The following STYX variants were observed in gnomAD, a reference collection of about 807,000 sequenced individuals.
STYX encodes the protein serine/threonine/tyrosine-interacting protein.
A neutral mutation model predicts 42.7 loss-of-function variants in STYX; 20 were observed. The ratio of observed to expected loss-of-function variants is 0.47; its 90% CI spans 0.33 to 0.68. The LOEUF is 0.68. Ranked by LOEUF, STYX falls within the 30% of genes least tolerant of loss-of-function variation. The probability of loss-of-function intolerance (pLI) is 0.02; values close to 1 mark genes in which losing one functional copy is unlikely to be tolerated. For missense variants in STYX, 226 were observed against 268.5 expected, an observed-to-expected ratio of 0.84 and a Z score of 1.11; for synonymous variants, 78 against 81.9, an observed-to-expected ratio of 0.95 and a Z score of 0.26.
At position 52,753,672 on chromosome 14, in the gene STYX, TG is replaced by T. The variant is rs1881724602; in HGVS notation, c.243-2878del. 3.9e-5 allele frequency among the ~76,000 whole-genome samples: 6 copies of T among 152,258 alleles called. No homozygotes were observed. In the South Asian group the frequency reaches 1.2e-3, roughly 32 times the overall value. On this transcript the variant is annotated intron_variant, in intron 4 of 10. Transcript: ENST00000354586. ...AGATTACTTCTAATACTTAGTACAG[TG>T]TAAGTGCTGTGTGAATAGTATTGGA...
At chr14:52,740,133 C>G (rs1652343334) in intron 1 of STYX, among the ~76,000 whole-genome samples, 1 of 152,002 alleles carries the variant, frequency 6.6e-6, no homozygotes, top group Admixed American at 6.6e-5. Flanking sequence ...AAAAATTAGC[C>G]AGGTTTGGTG....
chr14:52,742,775 A>AT, intron 1 of STYX, among the ~76,000 whole-genome samples: 1 of 151,514 alleles, frequency 6.6e-6, no homozygotes, highest in East Asian at 1.9e-4. Flanking sequence ...CCTCCTTCTG[A>AT]TTGATTGCTA....
intron 1 of STYX, among the ~76,000 whole-genome samples, chr14:52,738,687 G>A (rs1272670091): frequency 6.6e-6 from 1 of 152,158 alleles, no homozygotes; most frequent in Non-Finnish European, 1.5e-5. Flanking sequence ...TTGCAAAGTA[G>A]CAAATGCAAA....
chr14:52,755,368 C>T, intron 4 of STYX, among the ~76,000 whole-genome samples: 1 of 152,112 alleles, frequency 6.6e-6, no homozygotes, highest in East Asian at 1.9e-4. Flanking sequence ...GGCAATCCAC[C>T]TGCCTCGGCT....
intron 9 of STYX, among the ~76,000 whole-genome samples, 156 bp downstream of exon 9, chr14:52,759,910 T>A (rs1422555181): frequency 6.6e-6 from 1 of 152,146 alleles, no homozygotes; most frequent in African/African-American, 2.4e-5. Context: ...TTAGAAGTAT[T>A]TTCTTGGCTG....
Position 52,772,732 on chromosome 14 carries a change from G to A in STYX, c.*1626G>A, listed in dbSNP as rs1882560812. On this transcript the variant is annotated 3_prime_UTR_variant, in exon 11 of 11. Coordinates refer to ENST00000354586, the MANE Select transcript of STYX (RefSeq NM_145251.4). ...TTCTTACCCAGCATAGTGGGAGAGT[G>A]GAGATTAATTAAAATTGTTAATTAA... 1 of 152,464 alleles carries A rather than the reference G, an allele frequency of 6.6e-6. No homozygotes were observed. The allele number at this position is 152,464 out of a possible 1,614,324, so 9.4% of individuals were successfully genotyped here.
intron 1 of STYX, 30 bp from the exon 2 acceptor site, chr14:52,744,822 C>A: frequency 6.2e-7 from 1 of 1,608,610 alleles, no homozygotes; most frequent in Non-Finnish European, 8.5e-7. Flanking sequence ...TAAATGTTAT[C>A]TACTTTTATT....
rs144862832 is a variant in STYX at position 52,746,704 on chromosome 14, G to T, written c.144+225G>T. On this transcript the variant is annotated intron_variant, in intron 3 of 10. Transcript: ENST00000354586. ...TTTTTGTTTTTTCCTCATGAAATTTGTATGTTTGAAAGATTTACCAAATAA... is the reference window on the plus strand; with the variant it reads ...TTTTTGTTTTTTCCTCATGAAATTTTTATGTTTGAAAGATTTACCAAATAA... Among the ~76,000 whole-genome samples, 433 of 152,178 alleles carry T rather than the reference G, an allele frequency of 2.8e-3. 2 individuals are homozygous for T. Among genetic ancestry groups the T allele is most frequent in the African/African-American group, 9.9e-3 (413 of 41,526 alleles).
At chr14:52,741,502 A>G (rs1182743057) in intron 1 of STYX, among the ~76,000 whole-genome samples, 4 of 152,028 alleles carry the variant, frequency 2.6e-5, no homozygotes, top group Non-Finnish European at 4.4e-5. Context: ...CAGTGGTGCA[A>G]TCTCGGCTCA....
At chr14:52,739,036 A>G (rs1343862261) in intron 1 of STYX, among the ~76,000 whole-genome samples, 1 of 150,588 alleles carries the variant, frequency 6.6e-6, no homozygotes, top group African/African-American at 2.5e-5. Flanking sequence ...ATGAATCTGT[A>G]TACCTTTTCT....
intron 1 of STYX, among the ~76,000 whole-genome samples, chr14:52,743,364 G>A (rs910897572): frequency 1.3e-5 from 2 of 151,814 alleles, no homozygotes; most frequent in African/African-American, 2.4e-5. Context: ...GGCAGATCAC[G>A]AGGTCAGGAG....
chr14:52,765,098 T>C (rs1306995029), intron 9 of STYX, among the ~76,000 whole-genome samples: 2 of 152,240 alleles, frequency 1.3e-5, no homozygotes, highest in African/African-American at 4.8e-5. Flanking sequence ...CTTTGCATAT[T>C]GGAAAATATT....
intron 1 of STYX, among the ~76,000 whole-genome samples, chr14:52,732,670 T>G (rs1045574833): frequency 2.6e-5 from 4 of 151,960 alleles, no homozygotes; most frequent in Non-Finnish European, 5.9e-5. Context: ...ATGCTTTTAT[T>G]TATTTATTTA....
chr14:52,760,871 A>C (rs1481605873), intron 9 of STYX, among the ~76,000 whole-genome samples: 1 of 152,058 alleles, frequency 6.6e-6, no homozygotes, highest in African/African-American at 2.4e-5. Context: ...ACAGGCATGC[A>C]ATGTGTAATA....
At chr14:52,731,641 T>C (rs1880707654) in intron 1 of STYX, 1 of 152,042 alleles carries the variant, frequency 6.6e-6, no homozygotes, top group Non-Finnish European at 1.5e-5. Context: ...TTCACCATTT[T>C]GGCCAGGGTG....
chr14:52,758,010 T>C, intron 8 of STYX, 86 bp downstream of exon 8: 1 of 1,415,990 alleles, frequency 7.1e-7, no homozygotes, highest in Non-Finnish European at 9.7e-7. Flanking sequence ...TTTGAAGTTC[T>C]TATTCCCCTG....
At chr14:52,758,604 T>G (rs1360215895) in intron 8 of STYX, among the ~76,000 whole-genome samples, 2 of 152,344 alleles carry the variant, frequency 1.3e-5, no homozygotes, top group East Asian at 3.9e-4. Flanking sequence ...TGAGACGGCG[T>G]CTTGCTCTAT....
rs935267801 is a variant in STYX at position 52,771,649 on chromosome 14, G to A, written c.*543G>A. ...AGGAATCTGCCACATTTCTTTTTTA[G>A]TATAACTTAATAGCTTAATTACCAT... On this transcript the variant is annotated 3_prime_UTR_variant, in exon 11 of 11. Transcript: ENST00000354586. 2 of 152,302 alleles carry A rather than the reference G, an allele frequency of 1.3e-5. No homozygotes were observed. Among genetic ancestry groups the A allele is most frequent in the African/African-American group, 4.8e-5 (2 of 41,398 alleles). 9.4% of individuals were successfully genotyped at this position (152,302 alleles called of 1,614,324 possible).
chr14:52,744,702 T>C, intron 1 of STYX, 150 bp from the exon 2 acceptor site: 1 of 681,156 alleles, frequency 1.5e-6, no homozygotes, highest in Non-Finnish European at 2.4e-6. Context: ...TTTCAGATGT[T>C]TGTGAAACCA....
Sources: allele counts gnomAD v4.1 joint callset (sites outside exome capture counted in the v4.1 genomes callset), GRCh38; gene constraint gnomAD v4.1.1; transcripts MANE v1.5; gene names NCBI Gene and HGNC (gene_info 2026-07-23, HGNC 2026-07-21).